ROBO1: variants seen among roughly 807,000 people sequenced by gnomAD.
The protein encoded by ROBO1 is roundabout guidance receptor 1.
A neutral mutation model predicts 195.9 loss-of-function variants in ROBO1; 149 were observed. The observed-to-expected ratio is 0.76, with a 90% CI of 0.67 to 0.87. The LOEUF (loss-of-function observed/expected upper bound fraction) is 0.87, where lower values mean the gene tolerates loss of function less well. Among genes scored for constraint, ROBO1 ranks in the 40% least tolerant of loss-of-function variants. ROBO1 has a pLI of 0.00. For missense variants in ROBO1, 1,933 were observed against 2,068.3 expected (o/e 0.93, Z 1.27); for synonymous variants, 816 against 733.2 (o/e 1.11, Z -1.82).
intron 2 of ROBO1, among the ~76,000 whole-genome samples, chr3:79,316,297 G>A (rs1045379771): frequency 2.0e-5 from 3 of 152,120 alleles, no homozygotes; most frequent in Admixed American, 6.6e-5. Context: ...CTCTTTTAAG[G>A]AGGGTGGCTA....
chr3:78,756,654 C>A (rs1235247578), intron 4 of ROBO1, among the ~76,000 whole-genome samples: 1 of 151,974 alleles, frequency 6.6e-6, no homozygotes, highest in Non-Finnish European at 1.5e-5. Context: ...TGCGTGTGTG[C>A]ATGTGTGTAT....
rs780110458 is a variant in ROBO1 at position 78,902,374 on chromosome 3, C to A, written c.499+36227G>T. Among the ~76,000 whole-genome samples the A allele has an allele frequency of 2.0e-4, 31 of 151,958 alleles. 1 individual carries two copies. Among genetic ancestry groups the A allele is most frequent in the Admixed American group, 1.5e-3 (23 of 15,244 alleles). On this transcript the variant is annotated intron_variant, in intron 4 of 30. Transcript: ENST00000464233. ...GAGATTAAATTTCTTTCTTGACTTGCAAATGTTAGGTGACAGCTTTTTTTA... is the reference window on the plus strand; with the variant it reads ...GAGATTAAATTTCTTTCTTGACTTGAAAATGTTAGGTGACAGCTTTTTTTA...
intron 4 of ROBO1, among the ~76,000 whole-genome samples, chr3:78,892,484 G>A (rs1324742526): frequency 6.6e-6 from 1 of 152,162 alleles, no homozygotes; most frequent in Non-Finnish European, 1.5e-5. Flanking sequence ...CATCTGAAAT[G>A]GAAATAATAT....
At chr3:79,624,373 A>G (rs1945102325) in intron 1 of ROBO1, among the ~76,000 whole-genome samples, 1 of 152,198 alleles carries the variant, frequency 6.6e-6, no homozygotes, top group African/African-American at 2.4e-5. Flanking sequence ...TAAATGAGCT[A>G]AACACCACAA....
At chr3:79,167,118 A>G (rs1469272201) in intron 2 of ROBO1, among the ~76,000 whole-genome samples, 4 of 151,626 alleles carry the variant, frequency 2.6e-5, no homozygotes, top group African/African-American at 7.3e-5. Flanking sequence ...CATTTTTCCC[A>G]GGTCAAGATA....
chr3:78,967,234 G>A (rs1385437822), intron 3 of ROBO1, among the ~76,000 whole-genome samples: 1 of 152,064 alleles, frequency 6.6e-6, no homozygotes. Context: ...CCTCGGCAAG[G>A]GAAATATAAG....
At chr3:79,372,309 C>T (rs752783639) in intron 2 of ROBO1, among the ~76,000 whole-genome samples, 11 of 151,626 alleles carry the variant, frequency 7.3e-5, no homozygotes, top group Non-Finnish European at 1.2e-4. Flanking sequence ...CGGGTTCAAG[C>T]GATTCTCCTG....
At chr3:79,318,653 T>C (rs887360115) in intron 2 of ROBO1, among the ~76,000 whole-genome samples, 5 of 152,232 alleles carry the variant, frequency 3.3e-5, no homozygotes, top group Admixed American at 6.5e-5. Context: ...AACAGAATTC[T>C]GATTTATAAA....
chr3:78,675,738 G>A (rs1411931399), intron 10 of ROBO1, among the ~76,000 whole-genome samples: 1 of 152,104 alleles, frequency 6.6e-6, no homozygotes, highest in Admixed American at 6.5e-5. Flanking sequence ...CTCCACCTCT[G>A]GGGGCAGGGC....
rs552743227 is a variant in ROBO1 at position 79,517,338 on chromosome 3, T to G, written c.88+72486A>C. 2.6e-5 allele frequency among the ~76,000 whole-genome samples: 4 copies of G among 152,182 alleles called. 1 individual carries two copies. The highest frequency in any genetic ancestry group is 4.1e-4 in the South Asian group (2 of 4,836). On this transcript the variant is annotated intron_variant, in intron 2 of 30. Coordinates refer to ENST00000464233, the MANE Select transcript of ROBO1 (RefSeq NM_002941.4). ...TTGATCTTTCTGGAACAGTCGACAC[T>G]GACCATCACTCTCTCCCTGCAGAAA...
At chr3:79,106,575 T>G (rs2108522198) in intron 3 of ROBO1, among the ~76,000 whole-genome samples, 1 of 151,816 alleles carries the variant, frequency 6.6e-6, no homozygotes, top group South Asian at 2.1e-4. Flanking sequence ...ATTTATTATG[T>G]TAAGAATGAA....
intron 1 of ROBO1, among the ~76,000 whole-genome samples, chr3:79,765,332 G>A (rs897483708): frequency 1.3e-5 from 2 of 152,150 alleles, no homozygotes; most frequent in African/African-American, 4.8e-5. Flanking sequence ...AAGAAACAAA[G>A]TCATCTTACC....
At chr3:78,860,302 C>CTATATATATATATA (rs1200780060) in intron 4 of ROBO1, among the ~76,000 whole-genome samples, 9 of 104,734 alleles carry the variant, frequency 8.6e-5, no homozygotes, top group South Asian at 3.4e-4. Flanking sequence ...TTGAAATATA[C>CTATATATATATATA]TATATATATA....
intron 2 of ROBO1, among the ~76,000 whole-genome samples, chr3:79,223,995 A>G (rs905327345): frequency 2.0e-5 from 3 of 152,218 alleles, no homozygotes; most frequent in East Asian, 1.9e-4. Context: ...ATGTGTGTAT[A>G]TGTACCTCTT....
At chr3:79,050,499 G>A (rs1462403250) in intron 3 of ROBO1, among the ~76,000 whole-genome samples, 1 of 151,714 alleles carries the variant, frequency 6.6e-6, no homozygotes, top group African/African-American at 2.4e-5. Flanking sequence ...TGAGACAGAA[G>A]GTTCACAAGG....
intron 1 of ROBO1, among the ~76,000 whole-genome samples, chr3:79,751,973 C>T (rs1022828710): frequency 2.0e-5 from 3 of 152,090 alleles, no homozygotes; most frequent in African/African-American, 7.2e-5. Flanking sequence ...ATGTAATTAT[C>T]ACCTGTAGCA....
At chr3:78,996,146 A>G (rs1057018199) in intron 3 of ROBO1, among the ~76,000 whole-genome samples, 3 of 151,946 alleles carry the variant, frequency 2.0e-5, no homozygotes, top group Non-Finnish European at 2.9e-5. Flanking sequence ...TAAATCAAAT[A>G]CCTCCACCAA....
intron 4 of ROBO1, among the ~76,000 whole-genome samples, chr3:78,760,218 A>T (rs1221907736): frequency 6.6e-6 from 1 of 152,022 alleles, no homozygotes; most frequent in Non-Finnish European, 1.5e-5. Flanking sequence ...AGTCCATTAA[A>T]CCTATTTATT....
chr3:79,037,292 A>G (rs1165069493), intron 3 of ROBO1, among the ~76,000 whole-genome samples: 1 of 152,172 alleles, frequency 6.6e-6, no homozygotes, highest in Non-Finnish European at 1.5e-5. Context: ...CTGTATGAAT[A>G]TACCATGATT....
Sources: allele counts gnomAD v4.1 joint callset (sites outside exome capture counted in the v4.1 genomes callset), GRCh38; gene constraint gnomAD v4.1.1; transcripts MANE v1.5; gene names NCBI Gene and HGNC (gene_info 2026-07-23, HGNC 2026-07-21).